The following FAF1 variants were observed in gnomAD, a reference collection of about 807,000 sequenced individuals.
FAF1 encodes FAS-associated factor 1.
A neutral mutation model predicts 92.5 loss-of-function variants in FAF1; 25 were observed. The ratio of observed to expected loss-of-function variants is 0.27; its 90% CI spans 0.20 to 0.38. FAF1 has a LOEUF of 0.38. Among genes scored for constraint, FAF1 ranks in the 10% least tolerant of loss-of-function variants. FAF1 has a pLI of 1.00. For missense variants in FAF1, 636 were observed against 793.3 expected, an observed-to-expected ratio of 0.80 and a Z score of 2.38; for synonymous variants, 234 against 273.2, an observed-to-expected ratio of 0.86 and a Z score of 1.42.
intron 8 of FAF1, among the ~76,000 whole-genome samples, chr1:50,598,873 G>A (rs1255186485): frequency 6.6e-6 from 1 of 152,092 alleles, no homozygotes; most frequent in East Asian, 1.9e-4. Context: ...GGGAGGCTGA[G>A]GCAGGAGAAT....
At chr1:50,882,505 G>A (rs949366686) in intron 1 of FAF1, among the ~76,000 whole-genome samples, 1 of 152,000 alleles carries the variant, frequency 6.6e-6, no homozygotes, top group African/African-American at 2.4e-5. Context: ...AGGAGGCTGA[G>A]GCAGAAGAAT....
At chr1:50,856,095 C>T (rs202143541) in intron 2 of FAF1, among the ~76,000 whole-genome samples, 5 of 151,698 alleles carry the variant, frequency 3.3e-5, no homozygotes, top group South Asian at 2.1e-4. Context: ...TTAGTGGACA[C>T]GAACCAATAG....
At chr1:50,864,169 A>G (rs1451317795) in intron 1 of FAF1, among the ~76,000 whole-genome samples, 3 of 149,416 alleles carry the variant, frequency 2.0e-5, no homozygotes, top group Non-Finnish European at 3.0e-5. Context: ...TGGATTCATT[A>G]ATTTTTTGAA....
intron 2 of FAF1, among the ~76,000 whole-genome samples, chr1:50,845,300 G>A (rs2124649622): frequency 6.6e-6 from 1 of 152,214 alleles, no homozygotes; most frequent in Non-Finnish European, 1.5e-5. Flanking sequence ...TCTCAGCCAT[G>A]GGTCCAGAAC....
intron 4 of FAF1, among the ~76,000 whole-genome samples, chr1:50,750,685 G>A (rs1407361303): frequency 2.0e-5 from 3 of 148,448 alleles, no homozygotes; most frequent in African/African-American, 5.0e-5. Context: ...GTGCAGTGGC[G>A]CAATCTCGGC....
chr1:50,565,358 T>G (rs912816919), intron 13 of FAF1, among the ~76,000 whole-genome samples: 6 of 152,104 alleles, frequency 3.9e-5, no homozygotes, highest in African/African-American at 1.4e-4. Flanking sequence ...TAATTCAAAA[T>G]GTAGATTGAA....
intron 7 of FAF1, among the ~76,000 whole-genome samples, chr1:50,684,257 CT>C (rs756495229): frequency 0.015 from 1,773 of 114,440 alleles, 45 homozygotes; most frequent in East Asian, 0.15. Context: ...TTCCAACAGA[CT>C]TTTTTTTTTT....
intron 1 of FAF1, among the ~76,000 whole-genome samples, chr1:50,898,602 G>A (rs1237696953): frequency 1.3e-5 from 2 of 152,026 alleles, no homozygotes; most frequent in African/African-American, 4.8e-5. Context: ...TTTCTGTAAT[G>A]TTTCCTATAG....
At chr1:50,629,072 AAAT>A (rs761515552) in intron 8 of FAF1, among the ~76,000 whole-genome samples, 6 of 152,158 alleles carry the variant, frequency 3.9e-5, no homozygotes, top group Non-Finnish European at 8.8e-5. Flanking sequence ...TGTATATAAT[AAAT>A]ATTTTTAAGT....
intron 3 of FAF1, among the ~76,000 whole-genome samples, chr1:50,793,947 T>C (rs1163949811): frequency 1.3e-5 from 2 of 152,250 alleles, no homozygotes; most frequent in East Asian, 3.8e-4. Flanking sequence ...AAATGTTTAC[T>C]GGAACATTTT....
chr1:50,950,237 G>C (rs1288464170), intron 1 of FAF1, among the ~76,000 whole-genome samples: 1 of 152,114 alleles, frequency 6.6e-6, no homozygotes, highest in Non-Finnish European at 1.5e-5. Flanking sequence ...AAAACAAAAA[G>C]ACAACAGCTA....
Position 50,447,121 on chromosome 1 carries a change from C to CTTTTT in FAF1, c.1870-5603_1870-5599dup, listed in dbSNP as rs61612294. Among the ~76,000 whole-genome samples the CTTTTT allele has an allele frequency of 1.2e-3, 136 of 112,832 alleles. 4 individuals are homozygous for CTTTTT. The highest frequency in any genetic ancestry group is 3.6e-3 in the African/African-American group (97 of 26,906). The allele number at this position is 112,832 out of a possible 152,430, so 74.0% of individuals were successfully genotyped here. On this transcript the variant is annotated intron_variant, in intron 18 of 18. Coordinates refer to ENST00000396153, the MANE Select transcript of FAF1 (RefSeq NM_007051.3). ...AGAGGCTTCTCAAAACATATTCCTG[C>CTTTTT]TTTTTTTTTTTTTTTTTTTTTTGAG...
intron 2 of FAF1, among the ~76,000 whole-genome samples, chr1:50,855,366 T>C (rs1040523273): frequency 6.6e-6 from 1 of 151,868 alleles, no homozygotes; most frequent in Non-Finnish European, 1.5e-5. Flanking sequence ...TTCCAGATTG[T>C]AGTGCCTAAC....
intron 4 of FAF1, among the ~76,000 whole-genome samples, chr1:50,773,073 T>G (rs1660828262): frequency 6.6e-6 from 1 of 152,144 alleles, no homozygotes; most frequent in Non-Finnish European, 1.5e-5. Context: ...CTTATAGACA[T>G]AAGTTTACAT....
At chr1:50,485,677 A>C (rs1346729275) in intron 17 of FAF1, among the ~76,000 whole-genome samples, 1 of 149,426 alleles carries the variant, frequency 6.7e-6, no homozygotes, top group African/African-American at 2.5e-5. Context: ...CAAAAAAAAA[A>C]AAAAAAAAAA....
chr1:50,678,277 G>A (rs1656235752), intron 7 of FAF1, among the ~76,000 whole-genome samples: 1 of 152,182 alleles, frequency 6.6e-6, no homozygotes. Context: ...TATATTATGG[G>A]ATAGTTCAAG....
At chr1:50,473,888 G>A (rs1391025183) in intron 18 of FAF1, among the ~76,000 whole-genome samples, 1 of 152,116 alleles carries the variant, frequency 6.6e-6, no homozygotes, top group East Asian at 1.9e-4. Flanking sequence ...GAAACTCTGG[G>A]TTTTGGTATG....
At chr1:50,867,357 CT>C (rs1401470376) in intron 1 of FAF1, among the ~76,000 whole-genome samples, 1 of 152,122 alleles carries the variant, frequency 6.6e-6, no homozygotes, top group African/African-American at 2.4e-5. Flanking sequence ...AACTCAAAAG[CT>C]TCTGCACAGG....
At chr1:50,933,856 G>C (rs915954637) in intron 1 of FAF1, among the ~76,000 whole-genome samples, 3 of 152,192 alleles carry the variant, frequency 2.0e-5, no homozygotes, top group Non-Finnish European at 2.9e-5. Flanking sequence ...AGAGAAAAAT[G>C]AGAAGGAAGC....
Sources: gnomAD v4.1 joint callset for allele counts (sites outside exome capture counted in the v4.1 genomes callset) on GRCh38, gnomAD v4.1.1 for gene constraint, MANE v1.5 for transcripts, NCBI Gene and HGNC (gene_info 2026-07-23, HGNC 2026-07-21) for gene names.